PRICKLE1: variants seen among roughly 807,000 people sequenced by gnomAD.
PRICKLE1 encodes the protein prickle-like protein 1.
PRICKLE1 carries 14 observed loss-of-function variants against 70.2 expected under a neutral mutation model. The observed-to-expected ratio is 0.20, with a 90% CI of 0.13 to 0.31. The LOEUF is 0.31. PRICKLE1 is among the 10% of genes least tolerant of loss of function. The probability of loss-of-function intolerance (pLI) is 1.00; values close to 1 mark genes in which losing one functional copy is unlikely to be tolerated. For synonymous variants in PRICKLE1, 357 were observed against 379.9 expected, an observed-to-expected ratio of 0.94 and a Z score of 0.70; for missense variants, 821 against 1,026.2, an observed-to-expected ratio of 0.80 and a Z score of 2.73.
chr12:42,483,482 T>G (rs1360515585), intron 1 of PRICKLE1: 1 of 151,826 alleles, frequency 6.6e-6, no homozygotes, highest in Non-Finnish European at 1.5e-5. Context: ...TGAAGGAGGC[T>G]GGCGGCCCGG....
intron 1 of PRICKLE1, among the ~76,000 whole-genome samples, chr12:42,587,858 C>A (rs1410255064): frequency 6.6e-6 from 1 of 152,212 alleles, no homozygotes; most frequent in African/African-American, 2.4e-5. Context: ...GTCATCCTTA[C>A]AGAACTGTCT....
chr12:42,460,668 A>T lies in PRICKLE1; in HGVS notation c.1640-3T>A. The T allele has an allele frequency of 3.7e-6, 6 of 1,607,142 alleles. No individual in the cohort carries two copies. Among genetic ancestry groups the T allele is most frequent in the Non-Finnish European group, 5.1e-6 (6 of 1,179,978 alleles). On this transcript the variant is annotated splice_region_variant and splice_polypyrimidine_tract_variant and intron_variant, in intron 7 of 7. Coordinates refer to ENST00000345127, the MANE Select transcript of PRICKLE1 (RefSeq NM_153026.3). ...GTTTTCTCCATCCACCGAAGCCCCT[A>T]GAAGAGAGGCCAAAACAAGATGTGC... is the stretch of plus-strand genomic sequence containing the variant.
chr12:42,569,986 A>T (rs1254690635), intron 1 of PRICKLE1, among the ~76,000 whole-genome samples: 1 of 152,238 alleles, frequency 6.6e-6, no homozygotes, highest in Non-Finnish European at 1.5e-5. Context: ...ATTCGAAATC[A>T]ATGTCCCAGC....
intron 1 of PRICKLE1, among the ~76,000 whole-genome samples, chr12:42,510,173 C>T (rs1025560360): frequency 2.0e-5 from 3 of 152,150 alleles, no homozygotes; most frequent in African/African-American, 7.2e-5. Context: ...CTGCTCACTG[C>T]AAGCTCCGCC....
chr12:42,578,551 C>T (rs575616142), intron 1 of PRICKLE1, among the ~76,000 whole-genome samples: 18 of 152,094 alleles, frequency 1.2e-4, no homozygotes, highest in East Asian at 5.8e-4. Context: ...TTATTTGATA[C>T]GCATCTTTCC....
chr12:42,476,092 CAAAAAAAA>C (rs398044331), intron 1 of PRICKLE1, among the ~76,000 whole-genome samples: 1 of 101,750 alleles, frequency 9.8e-6, no homozygotes, highest in Non-Finnish European at 1.9e-5. Flanking sequence ...AACTCCGTCT[CAAAAAAAA>C]AAAAAAAAAA....
At chr12:42,520,439 CA>C (rs1939691262) in intron 1 of PRICKLE1, among the ~76,000 whole-genome samples, 1 of 152,180 alleles carries the variant, frequency 6.6e-6, no homozygotes, top group Non-Finnish European at 1.5e-5. Flanking sequence ...CAAGACATTT[CA>C]TTCTCCCTTA....
rs1937643942 is a variant in PRICKLE1, at chr12:42,458,062, CCAG to C, written c.*1744_*1746del. 1 of 152,168 alleles carries C rather than the reference CCAG, an allele frequency of 6.6e-6. No homozygotes were observed. Among genetic ancestry groups the C allele is most frequent in the Non-Finnish European group, 1.5e-5 (1 of 68,040 alleles). 9.4% of individuals were successfully genotyped at this position (152,168 alleles called of 1,614,324 possible). A position where few individuals can be genotyped will look rare whatever the true frequency, so the allele number is the denominator to read the frequency against. On this transcript the variant is annotated 3_prime_UTR_variant, in exon 8 of 8. Transcript: ENST00000345127. ...CTTTTCTGAAGGGAATCTGTGTAGC[CCAG>C]ATACAAACCCTTGTGTGGGACGGCT...
At chr12:42,485,239 GTTTTTTTTTTTTTTTTT>G (rs556218718) in intron 1 of PRICKLE1, 1 of 100,784 alleles carries the variant, frequency 9.9e-6, no homozygotes, top group Non-Finnish European at 1.9e-5. Context: ...CAGCTGAGAA[GTTTTTTTTTTTTTTTTT>G]TTTTTTTTTT....
At chr12:42,477,883 C>CT (rs375743995) in intron 1 of PRICKLE1, among the ~76,000 whole-genome samples, 4 of 150,382 alleles carry the variant, frequency 2.7e-5, no homozygotes, top group African/African-American at 7.3e-5. Context: ...CAGAGTAAAA[C>CT]TTTTTTTATG....
chr12:42,586,064 T>C (rs758201040), intron 1 of PRICKLE1, among the ~76,000 whole-genome samples: 9 of 152,166 alleles, frequency 5.9e-5, no homozygotes, highest in Non-Finnish European at 1.2e-4. Context: ...AAGATATTAT[T>C]GTGCAATCCA....
intron 1 of PRICKLE1, among the ~76,000 whole-genome samples, chr12:42,529,082 AT>A (rs1476582040): frequency 6.6e-6 from 1 of 152,226 alleles, no homozygotes; most frequent in African/African-American, 2.4e-5. Flanking sequence ...GCTCTGTGGC[AT>A]TACACATGGA....
intron 1 of PRICKLE1, among the ~76,000 whole-genome samples, chr12:42,492,295 C>T (rs1443934458): frequency 6.6e-6 from 1 of 152,114 alleles, no homozygotes; most frequent in Non-Finnish European, 1.5e-5. Flanking sequence ...ATATTTGCTG[C>T]TTTGTTTCAT....
At chr12:42,537,125 C>T (rs139362017) in intron 1 of PRICKLE1, among the ~76,000 whole-genome samples, 51 of 151,916 alleles carry the variant, frequency 3.4e-4, no homozygotes, top group African/African-American at 1.2e-3. Flanking sequence ...TTTTGCTTTA[C>T]CTGGGGCCTA....
chr12:42,579,800 AAAC>A (rs1332790279), intron 1 of PRICKLE1, among the ~76,000 whole-genome samples: 1 of 152,186 alleles, frequency 6.6e-6, no homozygotes, highest in African/African-American at 2.4e-5. Context: ...AAATGGCAAC[AAAC>A]AACAACAAAT....
At chr12:42,479,574 T>C (rs2140147450) in intron 1 of PRICKLE1, among the ~76,000 whole-genome samples, 1 of 152,340 alleles carries the variant, frequency 6.6e-6, no homozygotes, top group Non-Finnish European at 1.5e-5. Flanking sequence ...CATTCATTCA[T>C]CCTTATATTT....
intron 1 of PRICKLE1, among the ~76,000 whole-genome samples, chr12:42,517,244 T>C (rs573183287): frequency 5.9e-5 from 9 of 152,186 alleles, no homozygotes; most frequent in African/African-American, 1.9e-4. Flanking sequence ...AAAAATACTT[T>C]TACTGTCACT....
chr12:42,492,234 T>C (rs1163096170), intron 1 of PRICKLE1, among the ~76,000 whole-genome samples: 1 of 152,192 alleles, frequency 6.6e-6, no homozygotes, highest in East Asian at 1.9e-4. Flanking sequence ...CTCAAGTAGC[T>C]GTGATTACAG....
At chr12:42,512,593 T>C (rs886629001) in intron 1 of PRICKLE1, among the ~76,000 whole-genome samples, 2 of 152,214 alleles carry the variant, frequency 1.3e-5, no homozygotes, top group African/African-American at 4.8e-5. Flanking sequence ...TCTTCATCTC[T>C]CTTTCCTGAG....
Sources: gnomAD v4.1 joint callset for allele counts (sites outside exome capture counted in the v4.1 genomes callset) on GRCh38, gnomAD v4.1.1 for gene constraint, MANE v1.5 for transcripts, NCBI Gene and HGNC (gene_info 2026-07-23, HGNC 2026-07-21) for gene names.